The following MEGF11 variants were observed in gnomAD, a reference collection of about 807,000 sequenced individuals.
The protein encoded by MEGF11 is multiple EGF like domains 11.
A neutral mutation model predicts 146.6 loss-of-function variants in MEGF11; 126 were observed. That is an observed-to-expected ratio of 0.86 (90% CI 0.74 to 1.00). The LOEUF is 1.00. Among genes scored for constraint, MEGF11 ranks in the 50% least tolerant of loss-of-function variants. The pLI, the probability that MEGF11 is intolerant of heterozygous loss-of-function variation, is 0.00. For synonymous variants in MEGF11, 532 were observed against 583.4 expected (o/e 0.91, Z 1.27); for missense variants, 1,509 against 1,521.2 (o/e 0.99, Z 0.13).
chr15:66,113,717 T>TA (rs1173689390), intron 4 of MEGF11, among the ~76,000 whole-genome samples: 2 of 152,038 alleles, frequency 1.3e-5, no homozygotes, highest in Non-Finnish European at 2.9e-5. Flanking sequence ...CCGTCTCTAC[T>TA]AAAAATACAA....
intron 25 of MEGF11, 115 bp downstream of exon 25, chr15:65,898,613 A>G (rs2078412775): frequency 6.6e-7 from 1 of 1,505,880 alleles, no homozygotes; most frequent in Admixed American, 2.2e-5. Flanking sequence ...ATGCCTTTAA[A>G]AGCAACAAAA....
chr15:66,156,562 C>T (rs1366655358), intron 1 of MEGF11, among the ~76,000 whole-genome samples: 2 of 152,052 alleles, frequency 1.3e-5, no homozygotes, highest in Admixed American at 6.5e-5. Context: ...AGCCCGGCCC[C>T]CGAGAGGAGG....
In MEGF11 at chr15:65,909,765, G is replaced by A; in HGVS notation, c.2871C>T (p.Thr957=). Residue 957 remains threonine, a synonymous_variant, in exon 22 of 26, where the codon ACC becomes ACT. Transcript: ENST00000395614. ...KSLDRDTAGW[T]PYSYVNVLDS... ...CTAACACGTTCACATAGCTGTAGGG[G>A]GTCCAGCCTGCTGTGTCTCTGTCAA... 3 of 1,585,004 alleles carry A rather than the reference G, an allele frequency of 1.9e-6. No individual in the cohort carries two copies. Among genetic ancestry groups the A allele is most frequent in the Non-Finnish European group, 2.6e-6 (3 of 1,173,362 alleles).
chr15:66,049,808 G>C (rs1286228386), intron 5 of MEGF11, among the ~76,000 whole-genome samples: 3 of 152,170 alleles, frequency 2.0e-5, no homozygotes. Context: ...TTCCCCACCT[G>C]CCTTCTGGCC....
intron 9 of MEGF11, among the ~76,000 whole-genome samples, chr15:65,963,360 TG>T (rs1389067071): frequency 6.6e-6 from 1 of 151,760 alleles, no homozygotes; most frequent in African/African-American, 2.4e-5. Context: ...CACATAGTCC[TG>T]GGTCACAGTT....
intron 4 of MEGF11, among the ~76,000 whole-genome samples, chr15:66,095,734 G>A (rs1006388735): frequency 2.0e-5 from 3 of 152,196 alleles, no homozygotes; most frequent in African/African-American, 7.2e-5. Flanking sequence ...TCAGTGGTCT[G>A]GAGTCAGCCT....
intron 1 of MEGF11, among the ~76,000 whole-genome samples, chr15:66,205,426 A>C (rs2091276029): frequency 6.6e-6 from 1 of 152,210 alleles, no homozygotes; most frequent in Non-Finnish European, 1.5e-5. Context: ...CCTGGGAGAC[A>C]GAACGAGATC....
rs74837311 is a variant in MEGF11, at chr15:65,983,135, A to G, written c.395-647T>C. Among the ~76,000 whole-genome samples the G allele has an allele frequency of 3.8e-3, 572 of 152,076 alleles. 3 individuals carry two copies. Among genetic ancestry groups the G allele is most frequent in the African/African-American group, 0.013 (557 of 41,462 alleles). ...TCTCTTCCTCATGCTTCTTCCTTTCAGTAATGCCTACGCCCCCTGGTTGCT... is the reference window on the plus strand; with the variant it reads ...TCTCTTCCTCATGCTTCTTCCTTTCGGTAATGCCTACGCCCCCTGGTTGCT... On this transcript the variant is annotated intron_variant, in intron 5 of 25. Coordinates refer to ENST00000395614, the MANE Select transcript of MEGF11 (RefSeq NM_001385028.1).
chr15:65,902,258 A>C (rs918476994), intron 24 of MEGF11: 7 of 152,204 alleles, frequency 4.6e-5, no homozygotes, highest in Admixed American at 1.3e-4. Context: ...AGTTTTGGGG[A>C]ATCAATTGTT....
chr15:65,915,507 G>GT lies in MEGF11; in HGVS notation c.2435dup (p.Tyr812Ter). Reference sequence around the variant, plus strand: ...TGATTCCTTTGAAGCCAGGGCTGCAGTAACAGGTGCCGGTGACATGGTCAC... The same window carrying GT: ...TGATTCCTTTGAAGCCAGGGCTGCAGTTAACAGGTGCCGGTGACATGGTCAC... ...STCDHVTGTC[Y>*]CSPGFKGIRC... The change falls in exon 19 of 26, where the codon TAC (tyrosine) becomes TAAC (stop). Residue 812 changes from tyrosine to a stop codon, truncating the protein, a stop_gained and frameshift_variant. Coordinates refer to ENST00000395614, the MANE Select transcript of MEGF11 (RefSeq NM_001385028.1). LOFTEE classifies it high-confidence loss of function. The GT allele has an allele frequency of 6.2e-7, 1 of 1,613,982 alleles. No individual in the cohort carries two copies. Among genetic ancestry groups the GT allele is most frequent in the Non-Finnish European group, 8.5e-7 (1 of 1,179,886 alleles).
rs555409741 is a variant in MEGF11, at chr15:65,995,722, G to A, written c.395-13234C>T. On this transcript the variant is annotated intron_variant, in intron 5 of 25. Transcript: ENST00000395614. ...CCAGAGGCTGCTGTGCTACTTAAGG[G>A]ATGAGGCACTTGGGGATGATAAATA... Among the ~76,000 whole-genome samples the A allele has an allele frequency of 2.0e-5, 3 of 152,314 alleles. No homozygotes were observed. In the South Asian group the frequency reaches 6.2e-4, roughly 32 times the overall value.
chr15:66,006,255 G>C (rs1227493255), intron 5 of MEGF11, among the ~76,000 whole-genome samples: 1 of 152,098 alleles, frequency 6.6e-6, no homozygotes, highest in African/African-American at 2.4e-5. Context: ...TCTAACACAG[G>C]GTCTCTAGAA....
intron 5 of MEGF11, among the ~76,000 whole-genome samples, chr15:65,997,697 C>T (rs1032027150): frequency 4.7e-4 from 72 of 152,234 alleles, no homozygotes; most frequent in African/African-American, 1.7e-3. Context: ...ATATCCCCAG[C>T]GCCTCGAACA....
intron 1 of MEGF11, among the ~76,000 whole-genome samples, chr15:66,130,230 G>C (rs1420630578): frequency 6.6e-6 from 1 of 152,194 alleles, no homozygotes; most frequent in African/African-American, 2.4e-5. Context: ...AGAGTCAAAA[G>C]TGGAACAAGC....
rs1479340855 is a variant in MEGF11 at position 65,928,470 on chromosome 15, AT to A, written c.1629del (p.Cys544ValfsTer256). On this transcript the variant is annotated frameshift_variant, in exon 13 of 26. Transcript: ENST00000395614. LOFTEE classifies it high-confidence loss of function. Reference sequence around the variant, plus strand: ...CAGCAGTGGCCTGTGACGGGGTCACATCCATCAGCATGGCTGCAGTCACAGT... The same window carrying A: ...CAGCAGTGGCCTGTGACGGGGTCACACCATCAGCATGGCTGCAGTCACAGT... ...SEHCDCSHAD[G>X]CDPVTGHCCC... 1.2e-6 allele frequency: 2 copies of A among 1,605,362 alleles called. No individual in the cohort carries two copies. Among genetic ancestry groups the A allele is most frequent in the African/African-American group, 2.7e-5 (2 of 74,824 alleles).
At chr15:66,059,881 C>T (rs1461995561) in intron 5 of MEGF11, among the ~76,000 whole-genome samples, 2 of 152,180 alleles carry the variant, frequency 1.3e-5, no homozygotes, top group Non-Finnish European at 2.9e-5. Context: ...GAAACTAAGG[C>T]AAATCTGCTA....
chr15:65,929,946 TC>T (rs1330542399), intron 11 of MEGF11, 63 bp from the exon 12 acceptor site: 8 of 1,471,944 alleles, frequency 5.4e-6, no homozygotes, highest in Admixed American at 2.0e-5. Context: ...TTTTGCCCAC[TC>T]CCCCCAGCTC....
In MEGF11 at chr15:66,187,585, G is replaced by A. The variant is rs190537894; in HGVS notation, c.-8-59174C>T. Among the ~76,000 whole-genome samples, 220 of 152,324 alleles carry A rather than the reference G, an allele frequency of 1.4e-3. 1 individual carries two copies. The highest frequency in any genetic ancestry group is 2.6e-3 in the Non-Finnish European group (175 of 68,026). On this transcript the variant is annotated intron_variant, in intron 1 of 25. Coordinates refer to ENST00000395614, the MANE Select transcript of MEGF11 (RefSeq NM_001385028.1). The stretch of plus-strand genomic sequence containing the variant: ...CTCTGGGTGGAGTTGGTGGCATTAC[G>A]GCAGTCTTGTGTACTCACACGCAAA...
At chr15:65,915,622 T>A (rs763876526) in intron 18 of MEGF11, 24 bp from the exon 19 acceptor site, 6 of 1,610,766 alleles carry the variant, frequency 3.7e-6, no homozygotes, top group Non-Finnish European at 5.1e-6. Context: ...AGAGTTAGGG[T>A]AGAGGACCCA....
Sources: allele counts gnomAD v4.1 joint callset (sites outside exome capture counted in the v4.1 genomes callset), GRCh38; gene constraint gnomAD v4.1.1; transcripts MANE v1.5; gene names NCBI Gene and HGNC (gene_info 2026-07-23, HGNC 2026-07-21).